ZBED6: variants seen among roughly 807,000 people sequenced by gnomAD.
The protein encoded by ZBED6 is zinc finger BED domain-containing protein 6.
A neutral mutation model predicts 58.4 loss-of-function variants in ZBED6; 40 were observed. The observed-to-expected ratio is 0.68, with a 90% CI of 0.53 to 0.89. The LOEUF (loss-of-function observed/expected upper bound fraction) is 0.89, where lower values mean the gene tolerates loss of function less well. Ranked by LOEUF, ZBED6 falls within the 40% of genes least tolerant of loss-of-function variation. The pLI is 0.00. For synonymous variants in ZBED6, 439 were observed against 350.6 expected (o/e 1.25, Z -2.82); for missense variants, 1,057 against 1,003.9 (o/e 1.05, Z -0.71).
At chr1:203,798,924 A>T (rs1236947897) in exon 1 of ZBED6, 7 of 1,535,868 alleles carry the variant, frequency 4.6e-6, no homozygotes, top group Non-Finnish European at 6.1e-6. Flanking sequence ...CAGAGAAAAA[A>T]TTTTCTTAAC....
intron 3 of ZBED6, among the ~76,000 whole-genome samples, chr1:203,819,067 CAA>C (rs747588582): frequency 0.39 from 37,658 of 96,204 alleles, 5,763 homozygotes; most frequent in East Asian, 0.58. Flanking sequence ...CACTCCGTCT[CAA>C]AAAAAAAAAT....
intron 10 of ZBED6, among the ~76,000 whole-genome samples, chr1:203,839,316 A>G (rs1342036629): frequency 6.6e-6 from 1 of 152,222 alleles, no homozygotes; most frequent in East Asian, 1.9e-4. Flanking sequence ...AGCTGGAAGT[A>G]CAGGAATGCA....
chr1:203,822,254 A>G (rs1679032317), intron 3 of ZBED6, among the ~76,000 whole-genome samples: 1 of 152,116 alleles, frequency 6.6e-6, no homozygotes, highest in African/African-American at 2.4e-5. Context: ...AAAAACCAAT[A>G]TTGTGTCACA....
intron 9 of ZBED6, among the ~76,000 whole-genome samples, chr1:203,834,391 C>T: frequency 6.6e-6 from 1 of 151,982 alleles, no homozygotes; most frequent in African/African-American, 2.4e-5. Context: ...CCTGCCCCAG[C>T]CTCTCAAGTA....
chr1:203,829,356 C>A (rs1326697386), intron 4 of ZBED6, 95 bp from the exon 5 acceptor site: 2 of 1,263,220 alleles, frequency 1.6e-6, no homozygotes, highest in Non-Finnish European at 1.1e-6. Flanking sequence ...GCTCATAAGA[C>A]AAATACACTA....
exon 1 of ZBED6, chr1:203,800,228 C>T: frequency 7.3e-7 from 1 of 1,361,402 alleles, no homozygotes. Flanking sequence ...CCCAGGTTGC[C>T]ATCCAGTATC....
intron 1 of ZBED6, chr1:203,805,890 A>T: frequency 1.4e-6 from 1 of 733,976 alleles, no homozygotes; most frequent in Non-Finnish European, 2.5e-6. Context: ...GTAAATTCTC[A>T]ATCTGGTCAG....
At chr1:203,843,104 T>G (rs1349207820) in intron 11 of ZBED6, among the ~76,000 whole-genome samples, 2 of 152,240 alleles carry the variant, frequency 1.3e-5, no homozygotes, top group Non-Finnish European at 2.9e-5. Context: ...TTGGACATTC[T>G]TATTCTGTTG....
intron 2 of ZBED6, among the ~76,000 whole-genome samples, chr1:203,818,236 C>T (rs1046125017): frequency 6.7e-6 from 1 of 150,050 alleles, no homozygotes; most frequent in Non-Finnish European, 1.5e-5. Context: ...CCATCAAAAG[C>T]TAGAGTTACA....
chr1:203,815,580 T>C (rs575515283), intron 1 of ZBED6, among the ~76,000 whole-genome samples: 21 of 152,108 alleles, frequency 1.4e-4, no homozygotes, highest in Admixed American at 2.6e-4. Flanking sequence ...TTTAATACTT[T>C]TACATATTAT....
exon 1 of ZBED6, chr1:203,799,313 C>G (rs751867500): frequency 2.8e-6 from 2 of 711,560 alleles, no homozygotes; most frequent in Non-Finnish European, 5.1e-6. Flanking sequence ...ACTTTTTCTG[C>G]GAGCACAAAA....
intron 9 of ZBED6, among the ~76,000 whole-genome samples, chr1:203,836,441 G>A (rs945719874): frequency 2.6e-5 from 4 of 152,114 alleles, no homozygotes; most frequent in African/African-American, 9.7e-5. Flanking sequence ...TAAACAACTT[G>A]TATTGAACAG....
exon 1 of ZBED6, chr1:203,798,672 C>T: frequency 6.5e-7 from 1 of 1,536,126 alleles, no homozygotes; most frequent in Non-Finnish European, 8.7e-7. Flanking sequence ...AAGTCCTATT[C>T]CCGTTGCAGA....
intron 16 of ZBED6, among the ~76,000 whole-genome samples, chr1:203,851,727 CTG>C (rs1336933471): frequency 6.6e-6 from 1 of 152,068 alleles, no homozygotes; most frequent in East Asian, 1.9e-4. Flanking sequence ...TTTTGGGAGA[CTG>C]GGGCTGGAGA....
chr1:203,849,114 G>C (rs920348566), intron 13 of ZBED6, among the ~76,000 whole-genome samples: 8 of 152,130 alleles, frequency 5.3e-5, no homozygotes, highest in African/African-American at 1.9e-4. Flanking sequence ...CGAACTTCTG[G>C]CTTCAAGTGA....
At chr1:203,821,323 A>T (rs1244496040) in intron 3 of ZBED6, among the ~76,000 whole-genome samples, 1 of 151,674 alleles carries the variant, frequency 6.6e-6, no homozygotes, top group Admixed American at 6.6e-5. Context: ...TTTTTTTTTT[A>T]AATAAATTTC....
chr1:203,847,346 G>A (rs181350536), exon 12 of ZBED6: 24 of 1,613,790 alleles, frequency 1.5e-5, no homozygotes, highest in South Asian at 1.1e-4. Flanking sequence ...TCCACTATCC[G>A]TATCAAAACC....
exon 12 of ZBED6, chr1:203,847,241 A>G: frequency 6.2e-7 from 1 of 1,613,912 alleles, no homozygotes; most frequent in Non-Finnish European, 8.5e-7. Flanking sequence ...ATTCTTCTTG[A>G]AAGAGCCAGT....
rs377341265 is a variant in ZBED6 at position 203,843,130 on chromosome 1, A to G, written c.*3741+2756A>G. On this transcript the variant is annotated intron_variant, in intron 11 of 16. Transcript: ENST00000550078. ...TATTCTGTTGTATGCAACCTGAATT[A>G]TTCAGAGATTTCTAGGGTTTTATCT... is the stretch of plus-strand genomic sequence containing the variant. Among the ~76,000 whole-genome samples the G allele has an allele frequency of 1.1e-4, 17 of 152,294 alleles. 1 individual carries two copies. The highest frequency in any genetic ancestry group is 4.1e-4 in the African/African-American group (17 of 41,574).
Sources: allele counts gnomAD v4.1 joint callset (sites outside exome capture counted in the v4.1 genomes callset), GRCh38; gene constraint gnomAD v4.1.1; transcripts MANE v1.5; gene names NCBI Gene and HGNC (gene_info 2026-07-23, HGNC 2026-07-21).